Variants in ANTXR1 observed in about 807,000 individuals in gnomAD.
The protein encoded by ANTXR1 is ANTXR cell adhesion molecule 1.
A neutral mutation model predicts 78.1 loss-of-function variants in ANTXR1; 19 were observed. The ratio of observed to expected loss-of-function variants is 0.24; its 90% CI spans 0.17 to 0.36. ANTXR1 has a LOEUF of 0.36. Among genes scored for constraint, ANTXR1 ranks in the 10% least tolerant of loss-of-function variants. ANTXR1 has a pLI of 1.00. For missense variants in ANTXR1, 518 were observed against 718.6 expected (o/e 0.72, Z 3.19); for synonymous variants, 273 against 260.5 (o/e 1.05, Z -0.46).
intron 10 of ANTXR1, among the ~76,000 whole-genome samples, chr2:69,108,869 G>A (rs925164593): frequency 5.9e-5 from 9 of 152,052 alleles, no homozygotes; most frequent in African/African-American, 1.2e-4. Flanking sequence ...TATCACTGAC[G>A]GGCAGACAAA....
chr2:69,201,431 T>G (rs1377205617), intron 17 of ANTXR1, among the ~76,000 whole-genome samples: 1 of 152,094 alleles, frequency 6.6e-6, no homozygotes, highest in Non-Finnish European at 1.5e-5. Flanking sequence ...GGAACCTGAG[T>G]TGCCGGCCGT....
intron 10 of ANTXR1, among the ~76,000 whole-genome samples, chr2:69,107,590 A>T (rs1362766512): frequency 3.4e-5 from 5 of 147,726 alleles, no homozygotes; most frequent in Non-Finnish European, 3.0e-5. Context: ...TCTTGGTTTA[A>T]AAAAAAAAAC....
intron 17 of ANTXR1, among the ~76,000 whole-genome samples, chr2:69,223,463 A>T (rs1573988410): frequency 1.3e-5 from 2 of 152,322 alleles, no homozygotes; most frequent in South Asian, 4.1e-4. Flanking sequence ...CTTATTACAC[A>T]AATGGAGGAA....
intron 17 of ANTXR1, among the ~76,000 whole-genome samples, chr2:69,196,148 A>G (rs1674664152): frequency 6.6e-6 from 1 of 152,238 alleles, no homozygotes; most frequent in Non-Finnish European, 1.5e-5. Context: ...TCTGAATGAA[A>G]GTTTGTATTA....
chr2:69,177,919 TCA>T (rs1251626621), intron 14 of ANTXR1, among the ~76,000 whole-genome samples: 1 of 152,202 alleles, frequency 6.6e-6, no homozygotes, highest in African/African-American at 2.4e-5. Flanking sequence ...CCCTGATTTC[TCA>T]TTCACAGCAA....
At chr2:69,241,071 T>C (rs1241304377) in intron 17 of ANTXR1, among the ~76,000 whole-genome samples, 2 of 152,224 alleles carry the variant, frequency 1.3e-5, no homozygotes, top group Non-Finnish European at 2.9e-5. Context: ...TTGGCATTCA[T>C]TCCTGTAAAT....
chr2:69,195,298 G>T (rs1450330274), intron 17 of ANTXR1, among the ~76,000 whole-genome samples: 3 of 152,170 alleles, frequency 2.0e-5, no homozygotes, highest in Non-Finnish European at 4.4e-5. Flanking sequence ...ATTGCAGTTG[G>T]TGTGTATGGT....
intron 17 of ANTXR1, among the ~76,000 whole-genome samples, chr2:69,228,360 A>G (rs1462216877): frequency 6.6e-6 from 1 of 152,160 alleles, no homozygotes; most frequent in Non-Finnish European, 1.5e-5. Flanking sequence ...AATGGGTAAT[A>G]TTACTGGTGG....
chr2:69,095,567 A>C (rs1671372765), intron 9 of ANTXR1, among the ~76,000 whole-genome samples: 1 of 152,242 alleles, frequency 6.6e-6, no homozygotes, highest in South Asian at 2.1e-4. Flanking sequence ...ATTCCCATGC[A>C]GAAAGAAATT....
At chr2:69,221,435 TGA>T (rs1411849477) in intron 17 of ANTXR1, among the ~76,000 whole-genome samples, 1 of 152,050 alleles carries the variant, frequency 6.6e-6, no homozygotes, top group African/African-American at 2.4e-5. Flanking sequence ...TTCATTTGAG[TGA>T]GAGTAAAAGG....
intron 12 of ANTXR1, chr2:69,145,772 C>T: frequency 9.8e-7 from 1 of 1,016,028 alleles, no homozygotes; most frequent in East Asian, 9.1e-5. Context: ...CAGAAAGGAG[C>T]AGCAGTGTTT....
chr2:69,041,488 G>A (rs1472046275), intron 2 of ANTXR1, among the ~76,000 whole-genome samples: 1 of 152,202 alleles, frequency 6.6e-6, no homozygotes, highest in African/African-American at 2.4e-5. Context: ...CTGGGCTTCT[G>A]TTCTCTCTGA....
chr2:69,228,335 C>T (rs897076011), intron 17 of ANTXR1, among the ~76,000 whole-genome samples: 2 of 152,246 alleles, frequency 1.3e-5, no homozygotes, highest in African/African-American at 2.4e-5. Context: ...TGTTGGGACC[C>T]GTGGAAACTT....
At chr2:69,156,448 C>T (rs1376487850) in intron 13 of ANTXR1, among the ~76,000 whole-genome samples, 1 of 152,204 alleles carries the variant, frequency 6.6e-6, no homozygotes, top group Non-Finnish European at 1.5e-5. Flanking sequence ...CAGCCACCTT[C>T]ATCCTTTAAA....
intron 3 of ANTXR1, among the ~76,000 whole-genome samples, chr2:69,070,196 G>A (rs1029174047): frequency 2.1e-4 from 32 of 152,170 alleles, no homozygotes; most frequent in African/African-American, 6.3e-4. Flanking sequence ...TGGCACACCC[G>A]TGCGGTGGCA....
intron 12 of ANTXR1, chr2:69,145,734 A>G: frequency 9.5e-7 from 1 of 1,048,946 alleles, no homozygotes; most frequent in Non-Finnish European, 1.1e-6. Flanking sequence ...TCTCCATTCT[A>G]TCCTCCTCCC....
At chr2:69,090,074 A>G (rs992428883) in intron 8 of ANTXR1, among the ~76,000 whole-genome samples, 1 of 152,100 alleles carries the variant, frequency 6.6e-6, no homozygotes, top group East Asian at 1.9e-4. Flanking sequence ...ACAAGTGTAC[A>G]TTTCCATTTA....
chr2:69,091,118 TAAA>T (rs199910182), intron 9 of ANTXR1, among the ~76,000 whole-genome samples, 199 bp downstream of exon 9: 41 of 138,946 alleles, frequency 3.0e-4, no homozygotes, highest in Non-Finnish European at 3.0e-4. Context: ...GTTTGGAAGT[TAAA>T]AAAAAAAAAA....
intron 3 of ANTXR1, among the ~76,000 whole-genome samples, chr2:69,056,654 T>C (rs1670075838): frequency 6.6e-6 from 1 of 152,128 alleles, no homozygotes; most frequent in Non-Finnish European, 1.5e-5. Flanking sequence ...AGCTATAATA[T>C]ATATTCATAT....
Sources: gnomAD v4.1 joint callset for allele counts (sites outside exome capture counted in the v4.1 genomes callset) on GRCh38, gnomAD v4.1.1 for gene constraint, MANE v1.5 for transcripts, NCBI Gene and HGNC (gene_info 2026-07-23, HGNC 2026-07-21) for gene names.